Variants in OR1J2 observed in about 807,000 individuals in gnomAD.
The protein encoded by OR1J2 is olfactory receptor 1J2.
For synonymous variants in OR1J2, 142 were observed against 99.7 expected, an observed-to-expected ratio of 1.42 and a Z score of -2.52; for missense variants, 304 against 246.1, an observed-to-expected ratio of 1.24 and a Z score of -1.57.
chr9:122,540,545 A>G, the OR1J2 span, among the ~76,000 whole-genome samples: 1 of 152,058 alleles, frequency 6.6e-6, no homozygotes, highest in Non-Finnish European at 1.5e-5. Flanking sequence ...GAAGTCAGGT[A>G]GCGTGATGCC....
the OR1J2 span, among the ~76,000 whole-genome samples, chr9:122,492,542 A>G: frequency 6.6e-6 from 1 of 152,180 alleles, no homozygotes; most frequent in Non-Finnish European, 1.5e-5. Flanking sequence ...GTCAAATGGT[A>G]GTTCTGTTTT....
the OR1J2 span, among the ~76,000 whole-genome samples, chr9:122,575,630 A>C: frequency 7.9e-5 from 12 of 152,294 alleles, no homozygotes; most frequent in African/African-American, 2.6e-4. Flanking sequence ...AATTTTTAAA[A>C]ACTAAATTTT....
the OR1J2 span, chr9:122,568,268 A>G: frequency 9.3e-6 from 15 of 1,614,030 alleles, no homozygotes; most frequent in South Asian, 1.3e-4. Context: ...AGCAAATATC[A>G]GTGAGAGACA....
At chr9:122,456,201 T>C in the OR1J2 span, among the ~76,000 whole-genome samples, 1 of 152,166 alleles carries the variant, frequency 6.6e-6, no homozygotes, top group Non-Finnish European at 1.5e-5. Context: ...TGGAGATGAA[T>C]GGGGAATAAT....
chr9:122,568,964 G>C, the OR1J2 span, among the ~76,000 whole-genome samples: 6 of 150,914 alleles, frequency 4.0e-5, no homozygotes, highest in African/African-American at 1.5e-4. Flanking sequence ...AGTCAGACTG[G>C]GGGTATTTTA....
At chr9:122,546,156 C>T in the OR1J2 span, among the ~76,000 whole-genome samples, 1 of 152,112 alleles carries the variant, frequency 6.6e-6, no homozygotes, top group South Asian at 2.1e-4. Context: ...AGATCGTGGA[C>T]ATTAACATGA....
At chr9:122,507,995 A>G (rs1380160744), upstream of OR1J2, among the ~76,000 whole-genome samples, 2 of 152,108 alleles carry the variant, frequency 1.3e-5, no homozygotes, top group Middle Eastern at 3.2e-3. Context: ...ATGGACAAAA[A>G]TGCCACAACC....
At chr9:122,449,433 G>T in the OR1J2 span, among the ~76,000 whole-genome samples, 11 of 152,034 alleles carry the variant, frequency 7.2e-5, no homozygotes, top group Non-Finnish European at 1.5e-4. Context: ...GCAGTGGTGC[G>T]ATCTCGGCTT....
At chr9:122,554,651 C>G in the OR1J2 span, among the ~76,000 whole-genome samples, 1 of 152,200 alleles carries the variant, frequency 6.6e-6, no homozygotes, top group Non-Finnish European at 1.5e-5. Context: ...TGCCTATCGA[C>G]TCCCTTTCTA....
At chr9:122,519,606 G>T in the OR1J2 span, 3 of 1,613,986 alleles carry the variant, frequency 1.9e-6, no homozygotes, top group Non-Finnish European at 2.5e-6. Context: ...CTGTACCAAT[G>T]CCCTGTCTCA....
the OR1J2 span, among the ~76,000 whole-genome samples, chr9:122,485,846 G>A: frequency 6.6e-6 from 1 of 152,192 alleles, no homozygotes; most frequent in Admixed American, 6.5e-5. Flanking sequence ...CAGTTTGGCT[G>A]CAATGACTGC....
chr9:122,526,622 C>T, the OR1J2 span: 1 of 1,614,146 alleles, frequency 6.2e-7, no homozygotes, highest in African/African-American at 1.3e-5. Flanking sequence ...TTCGGACCCT[C>T]AGGATAGCTG....
chr9:122,449,841 G>A, the OR1J2 span, among the ~76,000 whole-genome samples: 1 of 152,010 alleles, frequency 6.6e-6, no homozygotes, highest in East Asian at 1.9e-4. Context: ...TACATTCTTT[G>A]AATTACTGTT....
At chr9:122,447,690 G>T in the OR1J2 span, 1 of 151,724 alleles carries the variant, frequency 6.6e-6, no homozygotes, top group Non-Finnish European at 1.5e-5. Context: ...GACTGGCTGG[G>T]TTTCTTTCCT....
At chr9:122,519,912 C>T in the OR1J2 span, 3 of 1,614,036 alleles carry the variant, frequency 1.9e-6, no homozygotes, top group Admixed American at 3.3e-5. Context: ...AATTATTGGA[C>T]TGTATTTTCT....
At chr9:122,452,261 C>A in the OR1J2 span, among the ~76,000 whole-genome samples, 11 of 152,224 alleles carry the variant, frequency 7.2e-5, no homozygotes, top group Admixed American at 2.0e-4. Flanking sequence ...AGAGTTTGAG[C>A]CGGTTAAGGA....
the OR1J2 span, among the ~76,000 whole-genome samples, chr9:122,575,733 A>T: frequency 2.6e-5 from 4 of 152,192 alleles, no homozygotes; most frequent in Non-Finnish European, 5.9e-5. Flanking sequence ...CATATCTATA[A>T]TCTCACAGTT....
chr9:122,482,775 G>A, the OR1J2 span, among the ~76,000 whole-genome samples: 1 of 152,102 alleles, frequency 6.6e-6, no homozygotes, highest in Non-Finnish European at 1.5e-5. Context: ...AACAACTACT[G>A]CATGATCTCA....
chr9:122,511,145 T>C lies in OR1J2; in HGVS notation c.344T>C (p.Ile115Thr), dbSNP rs376937989. The C allele has an allele frequency of 7.8e-6, 6 of 765,206 alleles. No individual in the cohort carries two copies. The African/African-American group carries it at 1.0e-4, about 13-fold the overall frequency. 47.4% of individuals were successfully genotyped at this position (765,206 alleles called of 1,614,324 possible). A position where few individuals can be genotyped will look rare whatever the true frequency, so the allele number is the denominator to read the frequency against. ...TTTACTGACCTGGACAGCTTCCTTATTACATCAATGGCATATGACCGATAT... is the reference window on the plus strand; with the variant it reads ...TTTACTGACCTGGACAGCTTCCTTACTACATCAATGGCATATGACCGATAT... ...IFFTDLDSFL[I>T]TSMAYDRYVA... The change falls in exon 1 of 1, where the codon ATT becomes ACT. Residue 115 changes from isoleucine to threonine, a missense_variant. Transcript: ENST00000335302.
Sources: gnomAD v4.1 joint callset for allele counts (sites outside exome capture counted in the v4.1 genomes callset) on GRCh38, gnomAD v4.1.1 for gene constraint, MANE v1.5 for transcripts, NCBI Gene and HGNC (gene_info 2026-07-23, HGNC 2026-07-21) for gene names.